LRP1B: variants seen among roughly 807,000 people sequenced by gnomAD.
LRP1B encodes the protein LDL receptor related protein 1B, also known as low-density lipoprotein receptor-related protein 1B.
A neutral mutation model predicts 556.6 loss-of-function variants in LRP1B; 217 were observed. The ratio of observed to expected loss-of-function variants is 0.39; its 90% CI spans 0.35 to 0.44. The LOEUF is 0.44. Among genes scored for constraint, LRP1B ranks in the 20% least tolerant of loss-of-function variants. The pLI is 1.00. For missense variants in LRP1B, 5,053 were observed against 5,620.8 expected (o/e 0.90, Z 3.23); for synonymous variants, 2,047 against 1,865.8 (o/e 1.10, Z -2.50).
intron 84 of LRP1B, among the ~76,000 whole-genome samples, chr2:140,278,147 A>G (rs1171820482): frequency 2.0e-5 from 3 of 152,010 alleles, no homozygotes; most frequent in Non-Finnish European, 4.4e-5. Context: ...TTATATTTAT[A>G]TAAGGTTCAA....
chr2:142,012,139 T>G (rs954799962), intron 1 of LRP1B, among the ~76,000 whole-genome samples: 11 of 152,144 alleles, frequency 7.2e-5, no homozygotes, highest in Admixed American at 6.5e-4. Flanking sequence ...TAGGTAAGAT[T>G]AATCAAATTT....
At chr2:140,840,680 A>C (rs1028739573) in intron 30 of LRP1B, among the ~76,000 whole-genome samples, 3 of 152,180 alleles carry the variant, frequency 2.0e-5, no homozygotes, top group Non-Finnish European at 4.4e-5. Context: ...ACTTCTTAGA[A>C]ATATAAATTA....
intron 66 of LRP1B, among the ~76,000 whole-genome samples, chr2:140,421,208 T>C (rs897387858): frequency 1.3e-5 from 2 of 152,050 alleles, no homozygotes; most frequent in African/African-American, 4.8e-5. Flanking sequence ...TGAGCCAAGA[T>C]TGCACCACTG....
intron 2 of LRP1B, among the ~76,000 whole-genome samples, chr2:141,731,381 C>T (rs1232026749): frequency 6.6e-6 from 1 of 152,100 alleles, no homozygotes; most frequent in Non-Finnish European, 1.5e-5. Context: ...GTCTGAGAAT[C>T]TCCTATGTCC....
intron 2 of LRP1B, among the ~76,000 whole-genome samples, chr2:141,498,611 C>T (rs1683603629): frequency 6.6e-6 from 1 of 151,938 alleles, no homozygotes; most frequent in African/African-American, 2.4e-5. Flanking sequence ...GAAATCCAGT[C>T]CCTTAAAAAA....
chr2:141,210,039 A>T (rs966920565), intron 6 of LRP1B, among the ~76,000 whole-genome samples: 1 of 151,870 alleles, frequency 6.6e-6, no homozygotes, highest in African/African-American at 2.4e-5. Flanking sequence ...ATGTTAAAAT[A>T]AACCTATAAG....
chr2:141,347,444 T>C (rs2714215), intron 3 of LRP1B, among the ~76,000 whole-genome samples: 86,260 of 151,710 alleles, frequency 0.57, 25,265 homozygotes, highest in Middle Eastern at 0.62. Context: ...ATGTGTTAAA[T>C]TAACCATACA....
At chr2:141,845,044 T>G (rs919125587) in intron 1 of LRP1B, among the ~76,000 whole-genome samples, 2 of 151,642 alleles carry the variant, frequency 1.3e-5, no homozygotes, top group African/African-American at 4.8e-5. Context: ...AAATATATTT[T>G]ATCACCTGAA....
At chr2:140,300,858 GCA>G (rs1683790026) in intron 83 of LRP1B, among the ~76,000 whole-genome samples, 1 of 152,026 alleles carries the variant, frequency 6.6e-6, no homozygotes, top group Admixed American at 6.6e-5. Context: ...CACATAGAAA[GCA>G]CAGAGTTATA....
At chr2:141,072,055 G>A (rs968282943) in intron 7 of LRP1B, among the ~76,000 whole-genome samples, 1 of 152,044 alleles carries the variant, frequency 6.6e-6, no homozygotes, top group African/African-American at 2.4e-5. Flanking sequence ...TCTGCTTAAA[G>A]CATAAGACAG....
chr2:140,580,367 A>G (rs1304710612), intron 43 of LRP1B, among the ~76,000 whole-genome samples: 1 of 152,186 alleles, frequency 6.6e-6, no homozygotes, highest in East Asian at 1.9e-4. Flanking sequence ...AGAACAGATG[A>G]CCACACAAAT....
chr2:141,724,371 G>T (rs1012035112), intron 2 of LRP1B, among the ~76,000 whole-genome samples: 1 of 151,832 alleles, frequency 6.6e-6, no homozygotes, highest in Non-Finnish European at 1.5e-5. Context: ...GTAAAAGAGG[G>T]CAAACAAAAA....
chr2:140,806,513 A>G (rs920495858), intron 32 of LRP1B, among the ~76,000 whole-genome samples: 1 of 152,206 alleles, frequency 6.6e-6, no homozygotes, highest in African/African-American at 2.4e-5. Flanking sequence ...CATAGGTGTG[A>G]GTGAAGGGTG....
At chr2:140,275,124 CTG>C (rs777611667) in intron 84 of LRP1B, among the ~76,000 whole-genome samples, 6 of 152,036 alleles carry the variant, frequency 3.9e-5, no homozygotes, top group South Asian at 2.1e-4. Context: ...AACCAACAAA[CTG>C]TGTATGCCAC....
At position 140,989,636 on chromosome 2, in the gene LRP1B, T is replaced by C. The variant is rs1195329911; in HGVS notation, c.2666A>G (p.Asp889Gly). Residue 889 changes from aspartate (D) to glycine (G), a missense_variant, in exon 17 of 91, where the codon GAT becomes GGT. By Grantham distance (94) the Asp-to-Gly change is moderately conservative. Coordinates refer to ENST00000389484, the MANE Select transcript of LRP1B (RefSeq NM_018557.3). ...GCGATTATTCTGGCATTTAAACTGATCATCAGGACAGCTATGATTGACTGG... is the reference window on the plus strand; with the variant it reads ...GCGATTATTCTGGCATTTAAACTGACCATCAGGACAGCTATGATTGACTGG... ...VNCFNHSCPD[D>G]QFKCQNNRCI... The C allele has an allele frequency of 6.2e-7, 1 of 1,613,086 alleles. No homozygotes were observed. The highest frequency in any genetic ancestry group is 8.5e-7 in the Non-Finnish European group (1 of 1,179,350).
chr2:140,804,112 T>C (rs1690626531), intron 32 of LRP1B, among the ~76,000 whole-genome samples: 2 of 151,922 alleles, frequency 1.3e-5, no homozygotes, highest in Admixed American at 1.3e-4. Context: ...AAAGCGGACT[T>C]GCATTGTAGG....
intron 3 of LRP1B, among the ~76,000 whole-genome samples, chr2:141,366,635 A>G (rs1307228494): frequency 6.6e-6 from 1 of 152,174 alleles, no homozygotes; most frequent in Non-Finnish European, 1.5e-5. Flanking sequence ...TTATTTCAAA[A>G]TCGGCCATAT....
intron 3 of LRP1B, among the ~76,000 whole-genome samples, chr2:141,336,716 T>C (rs191672378): frequency 6.6e-6 from 1 of 152,264 alleles, no homozygotes; most frequent in African/African-American, 2.4e-5. Flanking sequence ...TAGTCATAAT[T>C]TCTCCCTAAT....
At chr2:140,577,855 T>A (rs1188630766) in intron 43 of LRP1B, among the ~76,000 whole-genome samples, 1 of 152,172 alleles carries the variant, frequency 6.6e-6, no homozygotes, top group Middle Eastern at 3.2e-3. Context: ...AAAATAAGGA[T>A]GCAGTTGAAT....
Sources: gnomAD v4.1 joint callset for allele counts (sites outside exome capture counted in the v4.1 genomes callset) on GRCh38, gnomAD v4.1.1 for gene constraint, MANE v1.5 for transcripts, NCBI Gene and HGNC (gene_info 2026-07-23, HGNC 2026-07-21) for gene names.